The following SAMD12 variants were observed in gnomAD, a reference collection of about 807,000 sequenced individuals.
SAMD12 encodes the protein sterile alpha motif domain containing 12, also known as sterile alpha motif domain-containing protein 12.
Under a neutral mutation model 15.0 loss-of-function variants are expected in SAMD12, and 9 were observed. The observed-to-expected ratio is 0.60, with a 90% CI of 0.36 to 1.05. The LOEUF (loss-of-function observed/expected upper bound fraction) is 1.05, where lower values mean the gene tolerates loss of function less well. SAMD12 is among the 50% of genes least tolerant of loss of function. The pLI, the probability that SAMD12 is intolerant of heterozygous loss-of-function variation, is 0.01. For synonymous variants in SAMD12, 86 were observed against 90.1 expected, an observed-to-expected ratio of 0.96 and a Z score of 0.25; for missense variants, 230 against 234.2, an observed-to-expected ratio of 0.98 and a Z score of 0.12.
chr8:118,456,535 T>C (rs1823256317), intron 2 of SAMD12, among the ~76,000 whole-genome samples: 1 of 152,254 alleles, frequency 6.6e-6, no homozygotes, highest in Non-Finnish European at 1.5e-5. Context: ...TAATGATATA[T>C]ACATTCTAGA....
chr8:118,222,885 TC>T (rs1240278337), intron 4 of SAMD12, among the ~76,000 whole-genome samples: 2 of 152,144 alleles, frequency 1.3e-5, no homozygotes, highest in Non-Finnish European at 2.9e-5. Flanking sequence ...ATGTGATGCA[TC>T]CCTCAGCAGA....
chr8:118,418,563 C>A (rs1273298282), intron 3 of SAMD12, among the ~76,000 whole-genome samples: 1 of 151,980 alleles, frequency 6.6e-6, no homozygotes, highest in African/African-American at 2.4e-5. Context: ...ACTAAAAATA[C>A]AAAAAATTAG....
At chr8:118,238,249 G>C (rs995910471) in intron 4 of SAMD12, among the ~76,000 whole-genome samples, 1 of 151,938 alleles carries the variant, frequency 6.6e-6, no homozygotes, top group Non-Finnish European at 1.5e-5. Context: ...CATAAGTAAG[G>C]GATTATACAT....
At chr8:118,166,913 C>T in the SAMD12 span, among the ~76,000 whole-genome samples, 1 of 152,186 alleles carries the variant, frequency 6.6e-6, no homozygotes, top group Non-Finnish European at 1.5e-5. Context: ...CTGTCCATCC[C>T]TGCTGGGCCT....
At chr8:118,552,691 C>A (rs1002328885) in intron 2 of SAMD12, among the ~76,000 whole-genome samples, 3 of 152,112 alleles carry the variant, frequency 2.0e-5, no homozygotes, top group Admixed American at 6.6e-5. Flanking sequence ...GGCAATTAGG[C>A]AGGAGAAGGA....
intron 4 of SAMD12, among the ~76,000 whole-genome samples, chr8:118,301,578 G>A (rs73320255): frequency 0.074 from 11,325 of 152,222 alleles, 871 homozygotes; most frequent in African/African-American, 0.2. Flanking sequence ...CAATCAAGTT[G>A]TACTTCTGTT....
intron 2 of SAMD12, among the ~76,000 whole-genome samples, chr8:118,569,148 C>T (rs748703769): frequency 1.3e-5 from 2 of 152,088 alleles, no homozygotes; most frequent in African/African-American, 2.4e-5. Context: ...AATCCAAAAT[C>T]GAAATGCTCC....
At chr8:118,618,207 A>C (rs920323784) in intron 1 of SAMD12, among the ~76,000 whole-genome samples, 5 of 152,196 alleles carry the variant, frequency 3.3e-5, no homozygotes, top group African/African-American at 1.2e-4. Context: ...TAAACTAAGA[A>C]GAAAACATAA....
intron 4 of SAMD12, among the ~76,000 whole-genome samples, chr8:118,287,282 G>A (rs1207322515): frequency 8.7e-5 from 11 of 126,744 alleles, no homozygotes; most frequent in Admixed American, 1.5e-4. Context: ...CCACCACTGC[G>A]CCCGGCTAAT....
intron 2 of SAMD12, among the ~76,000 whole-genome samples, chr8:118,559,214 T>TC (rs990463469): frequency 6.6e-6 from 1 of 152,058 alleles, no homozygotes; most frequent in African/African-American, 2.4e-5. Flanking sequence ...GACCCTTTTT[T>TC]CCCCCCTACC....
intron 2 of SAMD12, among the ~76,000 whole-genome samples, chr8:118,570,526 C>A (rs1278390117): frequency 2.0e-5 from 3 of 152,154 alleles, no homozygotes; most frequent in Non-Finnish European, 2.9e-5. Flanking sequence ...CTTGTCCCTG[C>A]AAATGACATG....
At chr8:118,524,248 A>G (rs1236116142) in intron 2 of SAMD12, among the ~76,000 whole-genome samples, 2 of 152,080 alleles carry the variant, frequency 1.3e-5, no homozygotes, top group Non-Finnish European at 2.9e-5. Context: ...ATGGTCACCA[A>G]TGACTCCACA....
intron 4 of SAMD12, among the ~76,000 whole-genome samples, chr8:118,215,130 C>G (rs1811928154): frequency 6.6e-6 from 1 of 152,188 alleles, no homozygotes; most frequent in Non-Finnish European, 1.5e-5. Flanking sequence ...TAGGCTCTGG[C>G]AATTTTAATA....
chr8:118,551,223 AT>A (rs1826323036), intron 2 of SAMD12, among the ~76,000 whole-genome samples: 1 of 152,166 alleles, frequency 6.6e-6, no homozygotes. Context: ...GAGAATATAC[AT>A]TTTTTTCAGC....
the SAMD12 span, among the ~76,000 whole-genome samples, chr8:118,178,185 A>C: frequency 6.6e-6 from 1 of 152,236 alleles, no homozygotes; most frequent in Non-Finnish European, 1.5e-5. Context: ...TAACAAGCGT[A>C]AGCCCCATAC....
At chr8:118,537,215 T>C (rs1279346080) in intron 2 of SAMD12, among the ~76,000 whole-genome samples, 1 of 152,198 alleles carries the variant, frequency 6.6e-6, no homozygotes, top group Non-Finnish European at 1.5e-5. Context: ...CGTTTCTTTA[T>C]CCTTGACCTT....
At chr8:118,267,783 A>G (rs1813242502) in intron 4 of SAMD12, among the ~76,000 whole-genome samples, 1 of 151,894 alleles carries the variant, frequency 6.6e-6, no homozygotes, top group South Asian at 2.1e-4. Context: ...ACTTCTCTAC[A>G]AGGTTTGCTA....
At chr8:118,420,001 G>T (rs1821920422) in intron 3 of SAMD12, among the ~76,000 whole-genome samples, 1 of 152,210 alleles carries the variant, frequency 6.6e-6, no homozygotes, top group South Asian at 2.1e-4. Flanking sequence ...GGAGAAGAGA[G>T]AGGCTGACAG....
intron 2 of SAMD12, among the ~76,000 whole-genome samples, chr8:118,513,994 T>C (rs1825158298): frequency 6.6e-6 from 1 of 152,212 alleles, no homozygotes; most frequent in Non-Finnish European, 1.5e-5. Context: ...ACAGCTAAAA[T>C]GCATATTTTA....
Sources: gnomAD v4.1 joint callset for allele counts (sites outside exome capture counted in the v4.1 genomes callset) on GRCh38, gnomAD v4.1.1 for gene constraint, MANE v1.5 for transcripts, NCBI Gene and HGNC (gene_info 2026-07-23, HGNC 2026-07-21) for gene names.